CDK17: variants seen among roughly 807,000 people sequenced by gnomAD.
The protein encoded by CDK17 is cyclin-dependent kinase 17.
Under a neutral mutation model 77.6 loss-of-function variants are expected in CDK17, and 24 were observed. The observed-to-expected ratio is 0.31, with a 90% CI of 0.22 to 0.44. The LOEUF (loss-of-function observed/expected upper bound fraction) is 0.44. Among genes scored for constraint, CDK17 ranks in the 20% least tolerant of loss-of-function variants. The probability of loss-of-function intolerance (pLI) is 1.00; values close to 1 mark genes in which losing one functional copy is unlikely to be tolerated. For missense variants in CDK17, 429 were observed against 622.5 expected (o/e 0.69, Z 3.31); for synonymous variants, 203 against 210.4 (o/e 0.96, Z 0.30).
chr12:96,285,365 A>C lies in CDK17; in HGVS notation c.1322+678T>G, dbSNP rs566015972. ...TAAAAGGAAGCATAACAAGTGTGTT[A>C]TGTTGTGAGCAATGTGAATGGCTTT... On this transcript the variant is annotated intron_variant, in intron 13 of 16. Coordinates refer to ENST00000261211, the MANE Select transcript of CDK17 (RefSeq NM_002595.5). Among the ~76,000 whole-genome samples, 12 of 152,164 alleles carry C rather than the reference A, an allele frequency of 7.9e-5. No individual in the cohort carries two copies. The South Asian group carries it at 2.5e-3, about 32-fold the overall frequency.
At chr12:96,308,208 A>G (rs1952600289) in intron 5 of CDK17, among the ~76,000 whole-genome samples, 1 of 148,554 alleles carries the variant, frequency 6.7e-6, no homozygotes, top group Non-Finnish European at 1.5e-5. Flanking sequence ...CAGCATGGGC[A>G]ACACAGTGAG....
chr12:96,336,961 G>A (rs571520242), intron 1 of CDK17, among the ~76,000 whole-genome samples: 95 of 152,144 alleles, frequency 6.2e-4, no homozygotes, highest in African/African-American at 2.3e-3. Flanking sequence ...CTTTTTGTAT[G>A]CTTAGTAATT....
At chr12:96,365,351 T>C (rs534917059) in intron 1 of CDK17, among the ~76,000 whole-genome samples, 61 of 152,296 alleles carry the variant, frequency 4.0e-4, no homozygotes, top group African/African-American at 1.5e-3. Flanking sequence ...GTAAAAAAGA[T>C]AAATTTACCA....
intron 10 of CDK17, among the ~76,000 whole-genome samples, chr12:96,290,646 GTAAT>G (rs1952311219): frequency 2.0e-5 from 3 of 152,142 alleles, no homozygotes; most frequent in Non-Finnish European, 4.4e-5. Flanking sequence ...ACCAATTTTG[GTAAT>G]TAATTAACAA....
intron 1 of CDK17, among the ~76,000 whole-genome samples, chr12:96,369,468 G>A (rs1953654934): frequency 2.0e-5 from 3 of 150,574 alleles, no homozygotes; most frequent in African/African-American, 7.3e-5. Flanking sequence ...ATGTATATGT[G>A]GTGAGGATTT....
chr12:96,290,880 G>C (rs920629805), intron 10 of CDK17, among the ~76,000 whole-genome samples: 1 of 152,106 alleles, frequency 6.6e-6, no homozygotes, highest in African/African-American at 2.4e-5. Flanking sequence ...TTCAATACTG[G>C]TTGGAATGAA....
chr12:96,352,009 G>A lies in CDK17; in HGVS notation c.-29-17144C>T, dbSNP rs187858061. On this transcript the variant is annotated intron_variant, in intron 1 of 16. Coordinates refer to ENST00000261211, the MANE Select transcript of CDK17 (RefSeq NM_002595.5). ...AAAATAAATCAACTAAATTCTAGAG[G>A]AACAAGCCCTTTCTGGAAAAGAAAA... Among the ~76,000 whole-genome samples, 21 of 152,158 alleles carry A rather than the reference G, an allele frequency of 1.4e-4. 1 individual carries two copies. The East Asian group carries it at 4.0e-3, about 29-fold the overall frequency.
chr12:96,295,095 A>T lies in CDK17; in HGVS notation c.901T>A (p.Leu301Met). The T allele has an allele frequency of 6.2e-7, 1 of 1,608,870 alleles. No individual in the cohort carries two copies. Among genetic ancestry groups the T allele is most frequent in the South Asian group, 1.1e-5 (1 of 89,866 alleles). ...ACCTTTCTTCTATGGCAATATGCCA[A>T]ACCACGTAGAATTTGGTACAGAAAC... ...KLFLYQILRGLAYCHRRKVLH... is the reference protein window; with the variant it reads ...KLFLYQILRGMAYCHRRKVLH... The change falls in exon 10 of 17, where the codon TTG becomes ATG. Residue 301 changes from leucine to methionine, a missense_variant. Physicochemically the swap from Leu to Met is conservative, Grantham distance 15. This residue lies in a region of CDK17 where 262 missense variants were observed against 385.4 expected (regional missense o/e 0.68). Transcript: ENST00000261211.
intron 16 of CDK17, chr12:96,280,513 G>A: frequency 2.1e-6 from 3 of 1,408,134 alleles, no homozygotes; most frequent in Non-Finnish European, 1.8e-6. Context: ...TCTGCCTCAG[G>A]TACCAGGGAT....
At chr12:96,388,109 A>T (rs77883664) in intron 1 of CDK17, among the ~76,000 whole-genome samples, 6,609 of 148,012 alleles carry the variant, frequency 0.045, 192 homozygotes, top group East Asian at 0.12. Flanking sequence ...ATCTGTACAT[A>T]AAAAAAAAAG....
intron 1 of CDK17, chr12:96,399,400 T>G (rs1434534262): frequency 1.3e-5 from 2 of 152,550 alleles, no homozygotes; most frequent in African/African-American, 4.8e-5. Context: ...GCTGCCCTGA[T>G]CTTTGTCTCT....
At chr12:96,349,854 C>A (rs1953284997) in intron 1 of CDK17, among the ~76,000 whole-genome samples, 1 of 152,092 alleles carries the variant, frequency 6.6e-6, no homozygotes, top group East Asian at 1.9e-4. Context: ...ATGACATGAT[C>A]TTATATGAAG....
chr12:96,313,203 G>C (rs1952666428), intron 4 of CDK17, 118 bp downstream of exon 4: 1 of 609,926 alleles, frequency 1.6e-6, no homozygotes, highest in Non-Finnish European at 2.6e-6. Context: ...TTTCTTACAA[G>C]TGTCACGTGT....
At chr12:96,285,407 T>C (rs1422592288) in intron 13 of CDK17, among the ~76,000 whole-genome samples, 2 of 152,088 alleles carry the variant, frequency 1.3e-5, no homozygotes, top group Non-Finnish European at 2.9e-5. Flanking sequence ...AAATAAATGA[T>C]GTCCTTATTT....
chr12:96,285,519 T>G (rs1179843976), intron 13 of CDK17, among the ~76,000 whole-genome samples: 1 of 152,174 alleles, frequency 6.6e-6, no homozygotes, highest in African/African-American at 2.4e-5. Context: ...ATGTAATACA[T>G]TCTACAAGTA....
intron 1 of CDK17, among the ~76,000 whole-genome samples, chr12:96,380,971 G>T (rs1427991231): frequency 6.6e-6 from 1 of 151,652 alleles, no homozygotes; most frequent in Non-Finnish European, 1.5e-5. Flanking sequence ...CTCTCTATTT[G>T]TAAAGCTAAT....
chr12:96,286,009 G>A, intron 13 of CDK17, 34 bp downstream of exon 13: 1 of 1,038,460 alleles, frequency 9.6e-7, no homozygotes, highest in East Asian at 2.5e-5. Flanking sequence ...AGAATCATGT[G>A]TTTTCCCCCC....
At chr12:96,388,946 A>G (rs1465230650) in intron 1 of CDK17, among the ~76,000 whole-genome samples, 1 of 152,144 alleles carries the variant, frequency 6.6e-6, no homozygotes, top group Non-Finnish European at 1.5e-5. Flanking sequence ...GAACTCACTC[A>G]TCACCAAGGG....
At chr12:96,302,360 T>A (rs1361491621) in intron 5 of CDK17, among the ~76,000 whole-genome samples, 1 of 152,108 alleles carries the variant, frequency 6.6e-6, no homozygotes, top group Non-Finnish European at 1.5e-5. Context: ...TTAAATACTT[T>A]ACTCCATAAA....
Sources: gnomAD v4.1 joint callset for allele counts (sites outside exome capture counted in the v4.1 genomes callset) on GRCh38, gnomAD v4.1.1 for gene constraint, gnomAD v4.1.1 regional missense constraint, MANE v1.5 for transcripts, NCBI Gene and HGNC (gene_info 2026-07-23, HGNC 2026-07-21) for gene names.